The following UNC13C variants were observed in gnomAD, a reference collection of about 807,000 sequenced individuals.
UNC13C encodes unc-13 homolog C.
In UNC13C, 174 loss-of-function variants were observed where a neutral mutation model predicts 245.4. The observed-to-expected ratio is 0.71, with a 90% CI of 0.63 to 0.80. UNC13C has a LOEUF of 0.80. UNC13C is among the 30% of genes least tolerant of loss of function. The pLI, the probability that UNC13C is intolerant of heterozygous loss-of-function variation, is 0.00. For synonymous variants in UNC13C, 992 were observed against 895.1 expected, an observed-to-expected ratio of 1.11 and a Z score of -1.93; for missense variants, 2,829 against 2,602.9, an observed-to-expected ratio of 1.09 and a Z score of -1.89.
intron 4 of UNC13C, among the ~76,000 whole-genome samples, chr15:54,172,721 T>TAAATATATAA (rs1567067083): frequency 4.8e-5 from 1 of 20,696 alleles, no homozygotes; most frequent in Non-Finnish European, 1.0e-4. Context: ...TATATATATA[T>TAAATATATAA]ATATATATAT....
At chr15:54,341,055 CA>C (rs914955144) in intron 17 of UNC13C, among the ~76,000 whole-genome samples, 5 of 152,138 alleles carry the variant, frequency 3.3e-5, no homozygotes, top group African/African-American at 7.2e-5. Context: ...GGAGGTTTCT[CA>C]AAAAACTTAA....
chr15:54,430,818 T>G (rs1018086416), intron 19 of UNC13C, among the ~76,000 whole-genome samples: 1 of 151,708 alleles, frequency 6.6e-6, no homozygotes, highest in African/African-American at 2.4e-5. Flanking sequence ...GTTATTCCAC[T>G]GGGAGGTTCT....
intron 4 of UNC13C, among the ~76,000 whole-genome samples, chr15:54,174,769 C>G (rs1319264949): frequency 1.3e-5 from 2 of 152,156 alleles, no homozygotes; most frequent in African/African-American, 4.8e-5. Flanking sequence ...TTATAATAAT[C>G]ATTTCAAAAG....
At chr15:54,000,641 A>T (rs1246698935) in intron 1 of UNC13C, among the ~76,000 whole-genome samples, 1 of 152,170 alleles carries the variant, frequency 6.6e-6, no homozygotes, top group African/African-American at 2.4e-5. Context: ...TACTAAACCC[A>T]GTGTGTTGCT....
At chr15:53,889,160 A>T in the UNC13C span, among the ~76,000 whole-genome samples, 1 of 152,110 alleles carries the variant, frequency 6.6e-6, no homozygotes, top group African/African-American at 2.4e-5. Context: ...CACTTTCACG[A>T]TATTGATTCT....
chr15:54,615,410 C>A, intron 30 of UNC13C, among the ~76,000 whole-genome samples: 1 of 151,898 alleles, frequency 6.6e-6, no homozygotes, highest in Non-Finnish European at 1.5e-5. Context: ...ACTTGGCTCC[C>A]ATTACTATAT....
At chr15:54,186,274 C>T (rs111356327) in intron 4 of UNC13C, among the ~76,000 whole-genome samples, 5,411 of 152,190 alleles carry the variant, frequency 0.036, 284 homozygotes, top group African/African-American at 0.11. Context: ...CTTCTCCTGC[C>T]TGATTTCCCT....
chr15:54,517,081 A>G (rs1245248484), intron 24 of UNC13C, among the ~76,000 whole-genome samples: 2 of 152,078 alleles, frequency 1.3e-5, no homozygotes, highest in Non-Finnish European at 1.5e-5. Context: ...TTTATATGTA[A>G]TCTTATAAAA....
chr15:54,323,467 G>T (rs1212084360), intron 14 of UNC13C, among the ~76,000 whole-genome samples: 5 of 151,992 alleles, frequency 3.3e-5, no homozygotes, highest in Non-Finnish European at 7.4e-5. Flanking sequence ...CAATGAAGAA[G>T]ATAATTCTTA....
chr15:53,924,616 T>G, the UNC13C span, among the ~76,000 whole-genome samples: 1 of 152,198 alleles, frequency 6.6e-6, no homozygotes, highest in African/African-American at 2.4e-5. Context: ...TGTGCTTTGT[T>G]TAACCTAAAT....
chr15:54,545,151 A>C (rs2141173282), intron 26 of UNC13C, among the ~76,000 whole-genome samples: 1 of 152,276 alleles, frequency 6.6e-6, no homozygotes, highest in South Asian at 2.1e-4. Context: ...CCACACATCC[A>C]CAACCACCTG....
intron 7 of UNC13C, among the ~76,000 whole-genome samples, chr15:54,242,699 T>C (rs555685774): frequency 6.6e-6 from 1 of 152,342 alleles, no homozygotes; most frequent in Non-Finnish European, 1.5e-5. Context: ...TTTTAATGGT[T>C]CTTATTAACT....
the UNC13C span, among the ~76,000 whole-genome samples, chr15:53,909,255 G>A: frequency 6.8e-6 from 1 of 146,142 alleles, no homozygotes; most frequent in Non-Finnish European, 1.5e-5. Flanking sequence ...CAATATCAGA[G>A]CACTTTTCTG....
chr15:54,062,974 G>A (rs1595793815), intron 2 of UNC13C, among the ~76,000 whole-genome samples: 1 of 152,188 alleles, frequency 6.6e-6, no homozygotes. Context: ...TTAGGAAGTT[G>A]GTGAGAGGGG....
chr15:54,050,842 C>A, intron 2 of UNC13C: 1 of 575,758 alleles, frequency 1.7e-6, no homozygotes. Flanking sequence ...ATTCTTGATG[C>A]TTTGGTTCTC....
intron 18 of UNC13C, among the ~76,000 whole-genome samples, chr15:54,402,271 A>G (rs2040203951): frequency 1.3e-5 from 2 of 152,168 alleles, no homozygotes; most frequent in East Asian, 1.9e-4. Context: ...TTACTCATAT[A>G]TATCATAGCC....
At chr15:54,415,673 G>A (rs1246291899) in intron 19 of UNC13C, among the ~76,000 whole-genome samples, 1 of 152,084 alleles carries the variant, frequency 6.6e-6, no homozygotes, top group Non-Finnish European at 1.5e-5. Context: ...AAATTTCTTT[G>A]TACTTATTCA....
chr15:54,437,732 C>T (rs996391941), intron 19 of UNC13C, among the ~76,000 whole-genome samples: 1 of 151,880 alleles, frequency 6.6e-6, no homozygotes, highest in Non-Finnish European at 1.5e-5. Flanking sequence ...CAAGGTCACA[C>T]AGGTGGTTAG....
At chr15:54,156,081 A>G (rs1048852168) in intron 4 of UNC13C, among the ~76,000 whole-genome samples, 7 of 152,234 alleles carry the variant, frequency 4.6e-5, no homozygotes, top group Non-Finnish European at 1.0e-4. Context: ...TGGTCAAACA[A>G]TAACTACAGG....
Sources: gnomAD v4.1 joint callset for allele counts (sites outside exome capture counted in the v4.1 genomes callset) on GRCh38, gnomAD v4.1.1 for gene constraint, MANE v1.5 for transcripts, NCBI Gene and HGNC (gene_info 2026-07-23, HGNC 2026-07-21) for gene names.